Variants in CCNK observed in about 807,000 individuals in gnomAD.
CCNK encodes cyclin-K.
In CCNK, 9 loss-of-function variants were observed where a neutral mutation model predicts 65.0. That is an observed-to-expected ratio of 0.14 (90% CI 0.08 to 0.24). The LOEUF is 0.24. Among genes scored for constraint, CCNK ranks in the 10% least tolerant of loss-of-function variants. The pLI is 1.00. For missense variants in CCNK, 474 were observed against 720.0 expected (o/e 0.66, Z 3.91); for synonymous variants, 279 against 270.8 (o/e 1.03, Z -0.30).
At chr14:99,491,723 G>A (rs1896602158) in intron 1 of CCNK, among the ~76,000 whole-genome samples, 1 of 152,222 alleles carries the variant, frequency 6.6e-6, no homozygotes, top group Admixed American at 6.5e-5. Flanking sequence ...TAGGTTTCCA[G>A]ATGAACTGGT....
intron 1 of CCNK, among the ~76,000 whole-genome samples, chr14:99,487,816 A>T (rs1482558397): frequency 2.0e-5 from 3 of 152,232 alleles, no homozygotes; most frequent in Non-Finnish European, 4.4e-5. Context: ...TAATTAGTTC[A>T]CTTTTCTTTT....
At position 99,502,203 on chromosome 14, in the gene CCNK, C is replaced by G. The variant is rs771021950; in HGVS notation, c.576-4C>G. 8 of 1,572,926 alleles carry G rather than the reference C, an allele frequency of 5.1e-6. No individual in the cohort carries two copies. Among genetic ancestry groups the G allele is most frequent in the Admixed American group, 3.8e-5 (2 of 53,260 alleles). On this transcript the variant is annotated splice_region_variant and splice_polypyrimidine_tract_variant and intron_variant, in intron 6 of 10. Coordinates refer to ENST00000389879, the MANE Select transcript of CCNK (RefSeq NM_001099402.2). Reference sequence around the variant, plus strand: ...TCTAACCTTTTTTTTTCTTGTTGAACTAGTCTCTGCACCACCTTGTCACTG... The same window carrying G: ...TCTAACCTTTTTTTTTCTTGTTGAAGTAGTCTCTGCACCACCTTGTCACTG...
chr14:99,502,158 A>T, intron 6 of CCNK, 49 bp from the exon 7 acceptor site: 1 of 1,519,276 alleles, frequency 6.6e-7, no homozygotes, highest in Non-Finnish European at 8.8e-7. Context: ...TGGTTTAATC[A>T]TAAATATTAG....
chr14:99,503,592 G>C lies in CCNK; in HGVS notation c.1012-19G>C. The C allele has an allele frequency of 6.4e-7, 1 of 1,553,042 alleles. No individual in the cohort carries two copies. ...ACTCAGGATCCCAGTTAACAATTGT[G>C]TATTTTCTTTTGTAACAGGTTGTTT... is the stretch of plus-strand genomic sequence containing the variant. On this transcript the variant is annotated intron_variant, in intron 8 of 10. Transcript: ENST00000389879.
intron 4 of CCNK, among the ~76,000 whole-genome samples, chr14:99,497,227 C>T (rs1055441186): frequency 1.3e-5 from 2 of 152,168 alleles, no homozygotes; most frequent in Non-Finnish European, 2.9e-5. Context: ...CTTAAAAATT[C>T]TCTGTGCTCC....
Position 99,507,356 on chromosome 14 carries a change from C to T in CCNK, c.1117+209C>T, listed in dbSNP as rs901852242. The T allele has an allele frequency of 2.3e-5, 13 of 560,870 alleles. 1 individual carries two copies. In the African/African-American group the frequency reaches 2.5e-4, roughly 11 times the overall value. The allele number at this position is 560,870 out of a possible 1,614,324, so 34.7% of individuals were successfully genotyped here. On this transcript the variant is annotated intron_variant, in intron 10 of 10. Transcript: ENST00000389879. ...CTTTGGGAGGCGGAGGCAGGAGAAT[C>T]ACCTGACCCCAGGAGTTCGAGGTCA...
intron 1 of CCNK, among the ~76,000 whole-genome samples, chr14:99,490,188 G>A (rs780001482): frequency 3.2e-4 from 49 of 152,164 alleles, no homozygotes; most frequent in Non-Finnish European, 5.4e-4. Flanking sequence ...TTACCCTTGA[G>A]TGTGGGCTGG....
chr14:99,504,393 A>C (rs1312098723), intron 9 of CCNK: 1 of 145,948 alleles, frequency 6.9e-6, no homozygotes, highest in African/African-American at 2.5e-5. Flanking sequence ...GTTATGATAG[A>C]GCTACTTTTT....
intron 3 of CCNK, 47 bp from the exon 4 acceptor site, chr14:99,495,451 G>A (rs368133103): frequency 6.4e-7 from 1 of 1,572,572 alleles, no homozygotes; most frequent in Non-Finnish European, 8.6e-7. Context: ...ATCTATTTCT[G>A]TGTGACCTTT....
intron 5 of CCNK, chr14:99,501,109 T>C: frequency 1.7e-6 from 1 of 600,144 alleles, no homozygotes; most frequent in Non-Finnish European, 2.9e-6. Flanking sequence ...TGAGGCAGAA[T>C]TTTTTAAATG....
At chr14:99,495,129 C>T (rs767390826) in intron 3 of CCNK, 5 of 174,962 alleles carry the variant, frequency 2.9e-5, no homozygotes, top group Admixed American at 6.2e-5. Flanking sequence ...AGATGGATTC[C>T]GCGGGACTGT....
At chr14:99,486,868 T>A (rs942473246) in intron 1 of CCNK, among the ~76,000 whole-genome samples, 1 of 130,330 alleles carries the variant, frequency 7.7e-6, no homozygotes, top group Non-Finnish European at 1.6e-5. Context: ...TCTCTCCCCT[T>A]ACATGCGTTA....
At chr14:99,500,611 C>A in intron 4 of CCNK, 155 bp from the exon 5 acceptor site, 1 of 622,358 alleles carries the variant, frequency 1.6e-6, no homozygotes, top group East Asian at 2.9e-5. Flanking sequence ...TGTCTCTGAG[C>A]ATGTTAAAAG....
At position 99,503,522 on chromosome 14, in the gene CCNK, C is replaced by T. The variant is rs913461835; in HGVS notation, c.1012-89C>T. ...CGAGGCTGTTCACAGTGACTGCCGT[C>T]GCTGATTCTGGTGGTACCTGGATAA... On this transcript the variant is annotated intron_variant, in intron 8 of 10. Transcript: ENST00000389879. 6.1e-6 allele frequency: 7 copies of T among 1,151,708 alleles called. No homozygotes were observed. The African/African-American group carries it at 7.8e-5, about 13-fold the overall frequency. The allele number at this position is 1,151,708 out of a possible 1,614,324, so 71.3% of individuals were successfully genotyped here.
chr14:99,502,549 T>C (rs1326265393), intron 7 of CCNK, 170 bp from the exon 8 acceptor site: 6 of 1,278,082 alleles, frequency 4.7e-6, no homozygotes, highest in Middle Eastern at 2.4e-4. Flanking sequence ...ACACATACTT[T>C]TGGTAAACTA....
At chr14:99,501,287 A>T (rs1896819228) in intron 5 of CCNK, 69 bp from the exon 6 acceptor site, 10 of 1,028,352 alleles carry the variant, frequency 9.7e-6, no homozygotes, top group Non-Finnish European at 1.4e-5. Context: ...GTAGGTTTTT[A>T]ATAAATACTT....
chr14:99,490,628 A>T (rs918982586), intron 1 of CCNK, among the ~76,000 whole-genome samples: 8 of 152,116 alleles, frequency 5.3e-5, no homozygotes, highest in Non-Finnish European at 1.0e-4. Context: ...GAATTACTTT[A>T]AAAAAATAGA....
At position 99,510,908 on chromosome 14, in the gene CCNK, ACCGGGC is replaced by A; in HGVS notation, c.*129_*134del. On this transcript the variant is annotated 3_prime_UTR_variant, in exon 11 of 11. Transcript: ENST00000389879. ...GACAGTTGCAGTATGGGAAGAATGG[ACCGGGC>A]CCCTGGGATAAAATCAGAGTGGTCC... 1 of 832,684 alleles carries A rather than the reference ACCGGGC, an allele frequency of 1.2e-6. No homozygotes were observed. Among genetic ancestry groups the A allele is most frequent in the East Asian group, 3.3e-5 (1 of 30,008 alleles). 51.6% of individuals were successfully genotyped at this position (832,684 alleles called of 1,614,324 possible). A position where few individuals can be genotyped will look rare whatever the true frequency, so the allele number is the denominator to read the frequency against.
At chr14:99,484,307 C>T (rs762084948) in intron 1 of CCNK, among the ~76,000 whole-genome samples, 4 of 152,228 alleles carry the variant, frequency 2.6e-5, no homozygotes, top group Non-Finnish European at 4.4e-5. Flanking sequence ...TGCAGACATG[C>T]TGCAACGCAG....
Sources: allele counts gnomAD v4.1 joint callset (sites outside exome capture counted in the v4.1 genomes callset), GRCh38; gene constraint gnomAD v4.1.1; transcripts MANE v1.5; gene names NCBI Gene and HGNC (gene_info 2026-07-23, HGNC 2026-07-21).